Variants in IMMP2L observed in about 807,000 individuals in gnomAD.
IMMP2L encodes mitochondrial inner membrane protease subunit 2.
In IMMP2L, 18 loss-of-function variants were observed where a neutral mutation model predicts 19.3. The ratio of observed to expected loss-of-function variants is 0.93; its 90% CI spans 0.64 to 1.38. The LOEUF (loss-of-function observed/expected upper bound fraction) is 1.38. Ranked by LOEUF, IMMP2L falls within the 40% of genes most tolerant of loss-of-function variation. IMMP2L has a pLI of 0.00. For missense variants in IMMP2L, 233 were observed against 218.2 expected (o/e 1.07, Z -0.43); for synonymous variants, 76 against 73.0 (o/e 1.04, Z -0.21).
At chr7:111,018,732 G>A (rs1157610440) in intron 3 of IMMP2L, among the ~76,000 whole-genome samples, 1 of 151,350 alleles carries the variant, frequency 6.6e-6, no homozygotes, top group Non-Finnish European at 1.5e-5. Context: ...CCAAAATTTG[G>A]ATGACATACT....
chr7:111,180,130 A>C (rs897411223), intron 3 of IMMP2L, among the ~76,000 whole-genome samples: 1 of 152,022 alleles, frequency 6.6e-6, no homozygotes. Context: ...TAGCACTTTT[A>C]ATTTCCTTCA....
intron 3 of IMMP2L, among the ~76,000 whole-genome samples, chr7:111,471,403 G>T (rs1047000635): frequency 2.0e-5 from 3 of 151,932 alleles, no homozygotes; most frequent in Admixed American, 1.3e-4. Flanking sequence ...TTGATTCATG[G>T]GTATAGATAT....
intron 5 of IMMP2L, among the ~76,000 whole-genome samples, chr7:110,831,741 T>C (rs1180277277): frequency 1.3e-5 from 2 of 152,154 alleles, no homozygotes; most frequent in Non-Finnish European, 2.9e-5. Context: ...ACGAAAATAC[T>C]AGAGGGAAAG....
At chr7:111,386,672 A>T (rs942076521) in intron 3 of IMMP2L, among the ~76,000 whole-genome samples, 2 of 152,182 alleles carry the variant, frequency 1.3e-5, no homozygotes, top group Non-Finnish European at 2.9e-5. Context: ...ACATTTAAAG[A>T]AAAAGAATAA....
At chr7:111,154,697 A>T (rs1372523898) in intron 3 of IMMP2L, among the ~76,000 whole-genome samples, 2 of 152,172 alleles carry the variant, frequency 1.3e-5, no homozygotes, top group African/African-American at 4.8e-5. Flanking sequence ...TACATTTAAC[A>T]CAAGAGATGG....
In IMMP2L at chr7:111,355,904, C is replaced by A. The variant is rs551182467; in HGVS notation, c.239+131334G>T. 3.9e-5 allele frequency among the ~76,000 whole-genome samples: 6 copies of A among 151,932 alleles called. No individual in the cohort carries two copies. The South Asian group carries it at 1.3e-3, about 32-fold the overall frequency. The stretch of plus-strand genomic sequence containing the variant: ...TTACATGTATCTGAAAATACAAAGT[C>A]TAATTCTGTTAGAAAACTTAATGAT... On this transcript the variant is annotated intron_variant, in intron 3 of 5. Transcript: ENST00000405709.
intron 3 of IMMP2L, among the ~76,000 whole-genome samples, chr7:111,312,183 T>C (rs991849422): frequency 6.6e-6 from 1 of 152,014 alleles, no homozygotes; most frequent in Non-Finnish European, 1.5e-5. Flanking sequence ...TTAATCTCCT[T>C]AGAGAAAGAA....
chr7:111,178,029 A>G (rs1437195671), intron 3 of IMMP2L, among the ~76,000 whole-genome samples: 1 of 152,054 alleles, frequency 6.6e-6, no homozygotes, highest in Admixed American at 6.6e-5. Context: ...TCACATTACT[A>G]TTTCTTACTA....
chr7:111,078,479 T>C (rs1283877022), intron 3 of IMMP2L, among the ~76,000 whole-genome samples: 2 of 152,166 alleles, frequency 1.3e-5, no homozygotes, highest in Non-Finnish European at 2.9e-5. Context: ...AAACGTCCAA[T>C]ATTTGGAGAA....
At chr7:111,476,254 A>G (rs1841714221) in intron 3 of IMMP2L, among the ~76,000 whole-genome samples, 1 of 152,210 alleles carries the variant, frequency 6.6e-6, no homozygotes, top group South Asian at 2.1e-4. Context: ...CTTGCACTGA[A>G]GAACTGGCAA....
chr7:111,214,822 G>T lies in IMMP2L; in HGVS notation c.240-251257C>A, dbSNP rs1265846357. On this transcript the variant is annotated intron_variant, in intron 3 of 5. Transcript: ENST00000405709. ...AGAGAGAGAGATAGAGATTAAAGTA[G>T]AACATTCAAAATACAGCCACAGGCC... 2.0e-5 allele frequency among the ~76,000 whole-genome samples: 3 copies of T among 151,048 alleles called. No individual in the cohort carries two copies. In the East Asian group the frequency reaches 5.8e-4, roughly 29 times the overall value.
intron 1 of IMMP2L, among the ~76,000 whole-genome samples, chr7:111,557,848 G>A (rs927919132): frequency 4.6e-5 from 7 of 151,986 alleles, no homozygotes; most frequent in East Asian, 1.9e-4. Context: ...AAGGAGGGGC[G>A]AGGTTAATGA....
chr7:111,489,086 C>T (rs1842890068), intron 2 of IMMP2L, among the ~76,000 whole-genome samples: 1 of 147,716 alleles, frequency 6.8e-6, no homozygotes, highest in African/African-American at 2.5e-5. Flanking sequence ...CACCGTCGCC[C>T]AGGCTGGAGT....
In IMMP2L at chr7:111,075,692, G is replaced by A. The variant is rs151177124; in HGVS notation, c.240-112127C>T. ...TTTCACATTAGATAATAGAGTGCCCGAGGTCAGACTCTCAGGACTTCTTGT... is the reference window on the plus strand; with the variant it reads ...TTTCACATTAGATAATAGAGTGCCCAAGGTCAGACTCTCAGGACTTCTTGT... On this transcript the variant is annotated intron_variant, in intron 3 of 5. Coordinates refer to ENST00000405709, the MANE Select transcript of IMMP2L (RefSeq NM_032549.4). Among the ~76,000 whole-genome samples the A allele has an allele frequency of 5.2e-3, 792 of 152,020 alleles. 6 individuals carry two copies. Among genetic ancestry groups the A allele is most frequent in the Non-Finnish European group, 5.1e-3 (347 of 67,996 alleles).
chr7:111,018,259 G>A (rs2078225126), intron 3 of IMMP2L, among the ~76,000 whole-genome samples: 1 of 152,180 alleles, frequency 6.6e-6, no homozygotes, highest in Admixed American at 6.5e-5. Flanking sequence ...CTGGCAGCAT[G>A]GTGGGACACA....
At chr7:111,115,750 C>T (rs1030213408) in intron 3 of IMMP2L, among the ~76,000 whole-genome samples, 2 of 152,104 alleles carry the variant, frequency 1.3e-5, no homozygotes, top group Non-Finnish European at 2.9e-5. Context: ...TCACTGCAGC[C>T]ACCGCCTCCC....
At chr7:111,517,538 C>CT (rs960280522) in intron 2 of IMMP2L, among the ~76,000 whole-genome samples, 4 of 151,682 alleles carry the variant, frequency 2.6e-5, no homozygotes, top group Non-Finnish European at 4.4e-5. Context: ...AAGCATATAC[C>CT]TTTTATCAGG....
At chr7:110,933,454 T>C (rs548369709) in intron 4 of IMMP2L, among the ~76,000 whole-genome samples, 1 of 152,318 alleles carries the variant, frequency 6.6e-6, no homozygotes, top group Non-Finnish European at 1.5e-5. Context: ...ACTCTGAATA[T>C]CCTACTCACA....
chr7:111,128,631 C>T (rs1349456748), intron 3 of IMMP2L, among the ~76,000 whole-genome samples: 1 of 152,122 alleles, frequency 6.6e-6, no homozygotes, highest in African/African-American at 2.4e-5. Context: ...TCAAGACCAT[C>T]CTGGCCAACA....
Sources: gnomAD v4.1 joint callset for allele counts (sites outside exome capture counted in the v4.1 genomes callset) on GRCh38, gnomAD v4.1.1 for gene constraint, MANE v1.5 for transcripts, NCBI Gene and HGNC (gene_info 2026-07-23, HGNC 2026-07-21) for gene names.